Variants in PLCB1 observed in about 807,000 individuals in gnomAD.
PLCB1 encodes phospholipase C beta 1.
PLCB1 carries 46 observed loss-of-function variants against 161.8 expected under a neutral mutation model. The ratio of observed to expected loss-of-function variants is 0.28; its 90% CI spans 0.22 to 0.36. The LOEUF (loss-of-function observed/expected upper bound fraction) is 0.36. PLCB1 is among the 10% of genes least tolerant of loss of function. The probability of loss-of-function intolerance (pLI) is 1.00; values close to 1 mark genes in which losing one functional copy is unlikely to be tolerated. For missense variants in PLCB1, 1,016 were observed against 1,472.5 expected (o/e 0.69, Z 5.07); for synonymous variants, 517 against 503.7 (o/e 1.03, Z -0.35).
intron 3 of PLCB1, among the ~76,000 whole-genome samples, chr20:8,529,446 C>T (rs1386856570): frequency 6.6e-6 from 1 of 151,902 alleles, no homozygotes; most frequent in Admixed American, 6.6e-5. Flanking sequence ...TTATATAGTC[C>T]GTCCTCTCTT....
At chr20:8,710,607 C>T (rs1310579894) in intron 12 of PLCB1, among the ~76,000 whole-genome samples, 2 of 149,638 alleles carry the variant, frequency 1.3e-5, no homozygotes, top group Non-Finnish European at 3.0e-5. Context: ...CTCCATCTCC[C>T]GAGTTCAAGC....
chr20:8,395,783 T>C (rs927006510), intron 3 of PLCB1, among the ~76,000 whole-genome samples: 10 of 151,992 alleles, frequency 6.6e-5, no homozygotes, highest in African/African-American at 2.4e-4. Flanking sequence ...TTTGAAATAC[T>C]GTGAAGGTGT....
At chr20:8,274,157 T>G (rs764975395) in intron 2 of PLCB1, among the ~76,000 whole-genome samples, 5 of 152,114 alleles carry the variant, frequency 3.3e-5, no homozygotes, top group Non-Finnish European at 5.9e-5. Flanking sequence ...AGCGTGTCAT[T>G]GTTTTTGCAC....
Position 8,180,150 on chromosome 20 carries a change from G to A in PLCB1, c.177+29779G>A, listed in dbSNP as rs532015406. 8.5e-5 allele frequency among the ~76,000 whole-genome samples: 13 copies of A among 152,224 alleles called. 1 individual carries two copies. The South Asian group carries it at 1.0e-3, about 12-fold the overall frequency. ...TGGGATTACAGGCGTGAGCCACCGC[G>A]CCCGGCCTGTTGAGGGCTTTTAACG... is the stretch of plus-strand genomic sequence containing the variant. On this transcript the variant is annotated intron_variant, in intron 2 of 31. Coordinates refer to ENST00000338037, the MANE Select transcript of PLCB1 (RefSeq NM_015192.4).
intron 2 of PLCB1, among the ~76,000 whole-genome samples, chr20:8,183,111 C>T (rs1180920099): frequency 1.3e-5 from 2 of 152,046 alleles, no homozygotes; most frequent in Non-Finnish European, 2.9e-5. Context: ...TGCTGTTGAG[C>T]TTTTGTAGTT....
chr20:8,481,621 G>A (rs1471380756), intron 3 of PLCB1, among the ~76,000 whole-genome samples: 1 of 152,102 alleles, frequency 6.6e-6, no homozygotes, highest in South Asian at 2.1e-4. Flanking sequence ...TTGTAGGCTA[G>A]CTTACCTATA....
intron 3 of PLCB1, among the ~76,000 whole-genome samples, chr20:8,418,943 C>T (rs720995): frequency 0.033 from 5,051 of 152,138 alleles, 136 homozygotes; most frequent in East Asian, 0.16. Context: ...TCTTACAGTC[C>T]CAAGAGAACC....
At chr20:8,764,179 A>C (rs993178412) in intron 25 of PLCB1, among the ~76,000 whole-genome samples, 2 of 152,046 alleles carry the variant, frequency 1.3e-5, no homozygotes, top group Non-Finnish European at 2.9e-5. Flanking sequence ...AAAAGAAAAT[A>C]GTAATCATAA....
intron 3 of PLCB1, among the ~76,000 whole-genome samples, chr20:8,498,058 A>T (rs1328879736): frequency 6.6e-6 from 1 of 152,176 alleles, no homozygotes; most frequent in Non-Finnish European, 1.5e-5. Context: ...GTGTATTCCT[A>T]TAGCCAATAG....
At chr20:8,460,928 G>A (rs1314615334) in intron 3 of PLCB1, among the ~76,000 whole-genome samples, 1 of 152,164 alleles carries the variant, frequency 6.6e-6, no homozygotes, top group Non-Finnish European at 1.5e-5. Flanking sequence ...AAGCAGTGCT[G>A]TCTAATAGAA....
At chr20:8,404,820 C>T (rs1188951830) in intron 3 of PLCB1, among the ~76,000 whole-genome samples, 1 of 152,130 alleles carries the variant, frequency 6.6e-6, no homozygotes, top group Non-Finnish European at 1.5e-5. Flanking sequence ...ATGGCTTTAA[C>T]ACCATGGCAT....
chr20:8,148,322 T>G (rs2051475312), intron 1 of PLCB1, among the ~76,000 whole-genome samples: 1 of 143,906 alleles, frequency 6.9e-6, no homozygotes, highest in Non-Finnish European at 1.5e-5. Flanking sequence ...TTTTAAAAAT[T>G]AGTCTTTCAT....
intron 31 of PLCB1, among the ~76,000 whole-genome samples, chr20:8,793,406 C>G (rs1983862559): frequency 6.6e-6 from 1 of 152,074 alleles, no homozygotes; most frequent in Admixed American, 6.6e-5. Context: ...GGGAATCTGC[C>G]CCGATATTCA....
At chr20:8,631,370 A>C (rs1474348952) in intron 4 of PLCB1, among the ~76,000 whole-genome samples, 1 of 152,242 alleles carries the variant, frequency 6.6e-6, no homozygotes, top group Non-Finnish European at 1.5e-5. Context: ...TATTGGCAAC[A>C]GTTGTTTAAA....
chr20:8,830,314 A>C (rs879402133), intron 31 of PLCB1, among the ~76,000 whole-genome samples: 3 of 152,364 alleles, frequency 2.0e-5, no homozygotes, highest in Admixed American at 6.5e-5. Flanking sequence ...ATGCAAGACC[A>C]TTGCAAGAAG....
At chr20:8,814,275 G>A (rs1984974229) in intron 31 of PLCB1, among the ~76,000 whole-genome samples, 1 of 152,126 alleles carries the variant, frequency 6.6e-6, no homozygotes, top group African/African-American at 2.4e-5. Flanking sequence ...TTCTATCCTT[G>A]TTCTGACAGG....
chr20:8,409,503 C>A (rs192858074), intron 3 of PLCB1, among the ~76,000 whole-genome samples: 304 of 151,698 alleles, frequency 2.0e-3, no homozygotes, highest in African/African-American at 6.6e-3. Flanking sequence ...GCTCTTGTGG[C>A]TCAGGCTGAA....
At chr20:8,378,002 G>C (rs1034312778) in intron 3 of PLCB1, among the ~76,000 whole-genome samples, 1 of 152,176 alleles carries the variant, frequency 6.6e-6, no homozygotes, top group African/African-American at 2.4e-5. Flanking sequence ...GGGATTGCCA[G>C]CATTTAGACT....
intron 9 of PLCB1, among the ~76,000 whole-genome samples, chr20:8,681,084 G>GTA (rs1205332253): frequency 2.5e-5 from 1 of 39,784 alleles, no homozygotes; most frequent in South Asian, 8.3e-4. Context: ...ATATGTGTGT[G>GTA]TGTATATATA....
Sources: allele counts gnomAD v4.1 joint callset (sites outside exome capture counted in the v4.1 genomes callset), GRCh38; gene constraint gnomAD v4.1.1; transcripts MANE v1.5; gene names NCBI Gene and HGNC (gene_info 2026-07-23, HGNC 2026-07-21).